The following SMIM24 variants were observed in gnomAD, a reference collection of about 807,000 sequenced individuals.
SMIM24 encodes the protein small integral membrane protein 24, also known as MAP17-related dimer.
SMIM24 carries 6 observed loss-of-function variants against 10.8 expected under a neutral mutation model. The observed-to-expected ratio is 0.55, with a 90% confidence interval of 0.30 to 1.09. The LOEUF (loss-of-function observed/expected upper bound fraction) is 1.09, where lower values mean the gene tolerates loss of function less well. Ranked by LOEUF, SMIM24 falls within the 50% of genes least tolerant of loss-of-function variation. SMIM24 has a pLI of 0.06. For synonymous variants in SMIM24, 71 were observed against 62.4 expected, an observed-to-expected ratio of 1.14 and a Z score of -0.65; for missense variants, 151 against 153.4, an observed-to-expected ratio of 0.98 and a Z score of 0.08.
intron 1 of SMIM24, among the ~76,000 whole-genome samples, chr19:3,479,709 T>C (rs1232168504): frequency 1.5e-5 from 1 of 68,894 alleles, no homozygotes; most frequent in African/African-American, 6.3e-5. Context: ...GAGGGGCTTG[T>C]GAACTAGGGG....
In SMIM24 at chr19:3,480,493, C is replaced by A. The variant is rs755411138; in HGVS notation, c.-30G>T. 23 of 1,546,660 alleles carry A rather than the reference C, an allele frequency of 1.5e-5. No individual in the cohort carries two copies. Among genetic ancestry groups the A allele is most frequent in the Non-Finnish European group, 1.9e-5 (22 of 1,144,818 alleles). On this transcript the variant is annotated 5_prime_UTR_variant, in exon 1 of 4. Coordinates refer to ENST00000215531, the MANE Select transcript of SMIM24 (RefSeq NM_001136503.2). ...GTCGAGTGAGCCAGCAGCCAGCCAGCGGCGGTCCCGGGTCGGCGTCCACAG... is the reference window on the plus strand; with the variant it reads ...GTCGAGTGAGCCAGCAGCCAGCCAGAGGCGGTCCCGGGTCGGCGTCCACAG...
chr19:3,477,265 TG>T (rs1359468159), intron 3 of SMIM24, among the ~76,000 whole-genome samples: 1 of 72,926 alleles, frequency 1.4e-5, no homozygotes, highest in Non-Finnish European at 2.6e-5. Context: ...GGGGGATGGG[TG>T]AGTGGATGGA....
chr19:3,477,269 T>A (rs2082796786), intron 3 of SMIM24, among the ~76,000 whole-genome samples: 1 of 5,148 alleles, frequency 1.9e-4, no homozygotes, highest in Non-Finnish European at 5.2e-4. Flanking sequence ...GATGGGTGAG[T>A]GGATGGATGG....
chr19:3,480,447 G>C lies in SMIM24; in HGVS notation c.17C>G (p.Ala6Gly). The change falls in exon 1 of 4, where the codon GCC becomes GGC. Residue 6 changes from alanine (A) to glycine (G), a missense_variant. Physicochemically the swap from Ala to Gly is moderately conservative, Grantham distance 60 (BLOSUM62 0). Transcript: ENST00000215531. METLG[A>G]LLVLEFLLLS... ...GAGCAGAAACTCCAGCACCAGAAGG[G>C]CCCCCAGGGTCTCCATGACGGTCGA... 6.5e-7 allele frequency: 1 copy of C among 1,549,278 alleles called. No homozygotes were observed. The highest frequency in any genetic ancestry group is 8.7e-7 in the Non-Finnish European group (1 of 1,146,430).
chr19:3,475,819 CTGGGTGATTGATGGA>C (rs1227946102), intron 3 of SMIM24, among the ~76,000 whole-genome samples: 1 of 145,394 alleles, frequency 6.9e-6, no homozygotes, highest in East Asian at 2.1e-4. Flanking sequence ...CGGATGATGG[CTGGGTGATTGATGGA>C]TGGTGGATGG....
intron 3 of SMIM24, 25 bp from the exon 4 acceptor site, chr19:3,475,021 C>CAGAGA (rs2082787125): frequency 6.5e-7 from 1 of 1,548,374 alleles, no homozygotes; most frequent in African/African-American, 1.4e-5. Flanking sequence ...AGGCCCCAAA[C>CAGAGA]CATAATAAGA....
intron 3 of SMIM24, among the ~76,000 whole-genome samples, chr19:3,475,882 G>T (rs1599749625): frequency 6.6e-6 from 1 of 151,144 alleles, no homozygotes. Context: ...ATGAATGAAT[G>T]GGTTGGTGGA....
rs182714231 is a variant in SMIM24, at chr19:3,476,475, G to A, written c.240-1479C>T. On this transcript the variant is annotated intron_variant, in intron 3 of 3. Transcript: ENST00000215531. The stretch of plus-strand genomic sequence containing the variant: ...GGATGTACAAGTGGATGGTTGGGTG[G>A]ATGGATGGAGGATTGAACAAGGCAG... Among the ~76,000 whole-genome samples, 451 of 152,256 alleles carry A rather than the reference G, an allele frequency of 3.0e-3. 1 individual carries two copies. The highest frequency in any genetic ancestry group is 0.01 in the African/African-American group (423 of 41,534).
At chr19:3,480,321 T>G (rs2122026456) in intron 1 of SMIM24, 76 bp downstream of exon 1, 1 of 1,330,950 alleles carries the variant, frequency 7.5e-7, no homozygotes, top group Non-Finnish European at 1.0e-6. Flanking sequence ...TTTCTCGCCA[T>G]GGAAAATTGG....
At chr19:3,477,308 TA>T (rs1454263205) in intron 3 of SMIM24, among the ~76,000 whole-genome samples, 18 of 73,734 alleles carry the variant, frequency 2.4e-4, no homozygotes, top group African/African-American at 4.5e-4. Context: ...GGATGGATGA[TA>T]GACAGATGGT....
At chr19:3,478,999 A>G (rs1343521045) in intron 1 of SMIM24, 70 bp from the exon 2 acceptor site, 2 of 1,256,128 alleles carry the variant, frequency 1.6e-6, no homozygotes, top group Non-Finnish European at 1.1e-6. Flanking sequence ...CCACCACCCT[A>G]GCAAGGAGAG....
Position 3,478,911 on chromosome 19 carries a change from T to C in SMIM24, c.86A>G (p.Lys29Arg). Residue 29 changes from lysine (K) to arginine (R), a missense_variant, in exon 2 of 4, where the codon AAG becomes AGG. Lys to Arg is a conservative substitution (Grantham distance 26, BLOSUM62 2). Coordinates refer to ENST00000215531, the MANE Select transcript of SMIM24 (RefSeq NM_001136503.2). ...EAQQATEHRL[K>R]PWLVGLAAVV... ...CGCAGCCAGGCCCACCAGCCACGGCTTCAGGCGATGCTCCGTGGCTGCAGG... is the reference window on the plus strand; with the variant it reads ...CGCAGCCAGGCCCACCAGCCACGGCCTCAGGCGATGCTCCGTGGCTGCAGG... 6.5e-7 allele frequency: 1 copy of C among 1,549,790 alleles called. No individual in the cohort carries two copies. The highest frequency in any genetic ancestry group is 8.7e-7 in the Non-Finnish European group (1 of 1,146,704).
chr19:3,480,249 T>G, intron 1 of SMIM24, 148 bp downstream of exon 1: 1 of 826,008 alleles, frequency 1.2e-6, no homozygotes, highest in South Asian at 1.8e-5. Flanking sequence ...GGCCGGGCGG[T>G]ACTGCGGGGG....
intron 1 of SMIM24, 53 bp from the exon 2 acceptor site, chr19:3,478,982 C>A: frequency 7.3e-7 from 1 of 1,368,458 alleles, no homozygotes; most frequent in South Asian, 1.3e-5. Context: ...CAGAAGACCC[C>A]CTTCCCCCAC....
rs113926999 is a variant in SMIM24 at position 3,476,354 on chromosome 19, G to A, written c.240-1358C>T. Among the ~76,000 whole-genome samples, 188 of 151,886 alleles carry A rather than the reference G, an allele frequency of 1.2e-3. 1 individual carries two copies. Among genetic ancestry groups the A allele is most frequent in the East Asian group, 9.0e-3 (46 of 5,136 alleles). ...GATGGACGCATAGGTGGGTGGGTGC[G>A]TGTATCAGTGAGTGGACAGATCAAT... On this transcript the variant is annotated intron_variant, in intron 3 of 3. Coordinates refer to ENST00000215531, the MANE Select transcript of SMIM24 (RefSeq NM_001136503.2).
chr19:3,479,402 G>A (rs2082807487), intron 1 of SMIM24, among the ~76,000 whole-genome samples: 1 of 145,956 alleles, frequency 6.9e-6, no homozygotes, highest in Non-Finnish European at 1.5e-5. Flanking sequence ...TTATAAAGAA[G>A]AGTCTGGGGG....
chr19:3,477,495 T>TGATG, intron 3 of SMIM24, among the ~76,000 whole-genome samples: 1 of 136,758 alleles, frequency 7.3e-6, no homozygotes, highest in Non-Finnish European at 1.6e-5. Flanking sequence ...GATGGATGGA[T>TGATG]GATGGATGGA....
intron 3 of SMIM24, among the ~76,000 whole-genome samples, chr19:3,477,496 G>A (rs1227714507): frequency 6.7e-6 from 1 of 148,946 alleles, no homozygotes; most frequent in Non-Finnish European, 1.5e-5. Flanking sequence ...ATGGATGGAT[G>A]ATGGATGGAT....
At chr19:3,479,651 G>T (rs1272949400) in intron 1 of SMIM24, among the ~76,000 whole-genome samples, 1 of 143,620 alleles carries the variant, frequency 7.0e-6, no homozygotes, top group Non-Finnish European at 1.5e-5. Context: ...GTCTATAAAG[G>T]ATGAGTGAGA....
Sources: allele counts gnomAD v4.1 joint callset (sites outside exome capture counted in the v4.1 genomes callset), GRCh38; gene constraint gnomAD v4.1.1; transcripts MANE v1.5; gene names NCBI Gene and HGNC (gene_info 2026-07-23, HGNC 2026-07-21).